Variants in RFX3 observed in about 807,000 individuals in gnomAD.
RFX3 encodes transcription factor RFX3.
Under a neutral mutation model 98.6 loss-of-function variants are expected in RFX3, and 14 were observed. The observed-to-expected ratio is 0.14, with a 90% CI of 0.09 to 0.22. RFX3 has a LOEUF of 0.22. Ranked by LOEUF, RFX3 falls within the 10% of genes least tolerant of loss-of-function variation. RFX3 has a pLI of 1.00. For missense variants in RFX3, 639 were observed against 926.9 expected (o/e 0.69, Z 4.03); for synonymous variants, 383 against 328.4 (o/e 1.17, Z -1.80).
chr9:3,431,911 T>C (rs775314565), intron 1 of RFX3, among the ~76,000 whole-genome samples: 2 of 151,972 alleles, frequency 1.3e-5, no homozygotes, highest in Non-Finnish European at 2.9e-5. Flanking sequence ...AGAACACATA[T>C]GAGTAAGGAA....
intron 5 of RFX3, among the ~76,000 whole-genome samples, chr9:3,297,129 A>G (rs1388402516): frequency 6.6e-6 from 1 of 152,106 alleles, no homozygotes; most frequent in Non-Finnish European, 1.5e-5. Flanking sequence ...CCTGTTAAAT[A>G]TCGTTTTCTT....
At chr9:3,226,977 C>G (rs2130604809) in intron 16 of RFX3, among the ~76,000 whole-genome samples, 1 of 152,096 alleles carries the variant, frequency 6.6e-6, no homozygotes, top group Non-Finnish European at 1.5e-5. Flanking sequence ...GGGAGAAGCC[C>G]TCAAAACCTC....
chr9:3,310,887 A>G (rs906764284), intron 4 of RFX3, among the ~76,000 whole-genome samples: 1 of 152,232 alleles, frequency 6.6e-6, no homozygotes, highest in African/African-American at 2.4e-5. Flanking sequence ...AGTGGCTTAT[A>G]AAATCAAAAT....
Position 3,262,918 on chromosome 9 carries a change from G to C in RFX3, c.1605+17C>G, listed in dbSNP as rs530746080. 6.2e-7 allele frequency: 1 copy of C among 1,610,172 alleles called. No homozygotes were observed. The highest frequency in any genetic ancestry group is 8.5e-7 in the Non-Finnish European group (1 of 1,177,848). On this transcript the variant is annotated intron_variant, in intron 13 of 16. Transcript: ENST00000617270. ...TATCTTTCCTTAAGAGACATGCTTT[G>C]CAAGGAAATAGAATACCTGGACATT...
intron 2 of RFX3, among the ~76,000 whole-genome samples, chr9:3,385,573 C>T (rs1323599464): frequency 6.6e-6 from 1 of 151,244 alleles, no homozygotes; most frequent in African/African-American, 2.4e-5. Context: ...CTTGGCATGG[C>T]AGTGTGCGCC....
chr9:3,402,665 A>G (rs1030093393), intron 1 of RFX3, among the ~76,000 whole-genome samples: 1 of 151,676 alleles, frequency 6.6e-6, no homozygotes, highest in African/African-American at 2.4e-5. Context: ...ATATTTATAT[A>G]TATTTATATT....
At chr9:3,260,604 A>G (rs1822747930) in intron 13 of RFX3, among the ~76,000 whole-genome samples, 1 of 151,732 alleles carries the variant, frequency 6.6e-6, no homozygotes, top group Admixed American at 6.6e-5. Flanking sequence ...ACTCTTCTTA[A>G]GAGACTTTTA....
intron 9 of RFX3, among the ~76,000 whole-genome samples, chr9:3,275,001 A>G (rs1032257709): frequency 1.3e-5 from 2 of 152,028 alleles, no homozygotes. Context: ...TTTTCTTTTA[A>G]CTTTAAATCT....
intron 2 of RFX3, among the ~76,000 whole-genome samples, chr9:3,369,802 A>G (rs942926267): frequency 6.6e-6 from 1 of 152,240 alleles, no homozygotes; most frequent in South Asian, 2.1e-4. Context: ...AATTAGATTT[A>G]CAGAGCAGTT....
At position 3,254,273 on chromosome 9, in the gene RFX3, GA is replaced by G. The variant is rs79171644; in HGVS notation, c.1814+2717del. On this transcript the variant is annotated intron_variant, in intron 14 of 16. Coordinates refer to ENST00000617270, the MANE Select transcript of RFX3 (RefSeq NM_001282116.2). ...CTAAAATGACATCAACTAAATATAG[GA>G]AAAAAAAAAAAACCAACCACAGGTA... is the stretch of plus-strand genomic sequence containing the variant. 3.3e-3 allele frequency among the ~76,000 whole-genome samples: 430 copies of G among 131,962 alleles called. 2 individuals are homozygous for G. Among genetic ancestry groups the G allele is most frequent in the African/African-American group, 5.9e-3 (212 of 35,894 alleles). 86.6% of individuals were successfully genotyped at this position (131,962 alleles called of 152,430 possible).
chr9:3,305,112 C>T (rs1829122938), intron 4 of RFX3, among the ~76,000 whole-genome samples: 1 of 151,964 alleles, frequency 6.6e-6, no homozygotes, highest in Non-Finnish European at 1.5e-5. Context: ...GAAGAATCGA[C>T]TTAATAGAGC....
intron 15 of RFX3, among the ~76,000 whole-genome samples, chr9:3,244,728 T>C (rs1243939249): frequency 1.3e-5 from 2 of 152,208 alleles, no homozygotes; most frequent in Non-Finnish European, 2.9e-5. Flanking sequence ...CCAGGCTAGA[T>C]TTAGGGCCTC....
chr9:3,469,840 C>T (rs183738181), intron 1 of RFX3, among the ~76,000 whole-genome samples: 6 of 148,382 alleles, frequency 4.0e-5, no homozygotes, highest in East Asian at 2.0e-4. Context: ...AGCGTGACTC[C>T]GTCTCAAAAA....
intron 4 of RFX3, among the ~76,000 whole-genome samples, chr9:3,303,156 G>C (rs1828868706): frequency 6.6e-6 from 1 of 151,774 alleles, no homozygotes; most frequent in African/African-American, 2.4e-5. Context: ...GGATGTTAAT[G>C]CAGTTTACCA....
intron 1 of RFX3, among the ~76,000 whole-genome samples, chr9:3,398,306 C>T (rs1289315553): frequency 6.6e-6 from 1 of 151,830 alleles, no homozygotes; most frequent in African/African-American, 2.4e-5. Flanking sequence ...CCAGTCTGTG[C>T]CTCTTCCTCT....
chr9:3,277,804 A>G (rs1470584852), intron 7 of RFX3, among the ~76,000 whole-genome samples: 1 of 151,994 alleles, frequency 6.6e-6, no homozygotes, highest in Non-Finnish European at 1.5e-5. Context: ...TTAATGGTCA[A>G]TGGATATATT....
chr9:3,249,222 A>ACTTTTGTT (rs2130978767), intron 14 of RFX3, among the ~76,000 whole-genome samples: 2 of 152,266 alleles, frequency 1.3e-5, no homozygotes, highest in South Asian at 4.1e-4. Flanking sequence ...AAAAGACTGT[A>ACTTTTGTT]CTTTTGTTTT....
intron 2 of RFX3, among the ~76,000 whole-genome samples, chr9:3,363,587 C>T (rs7869854): frequency 0.17 from 26,380 of 152,182 alleles, 4,799 homozygotes; most frequent in African/African-American, 0.46. Context: ...CCAGTGCTAA[C>T]ACTATTATTA....
rs1846302686 is a variant in RFX3 at position 3,448,889 on chromosome 9, T to C, written c.-8-53293A>G. On this transcript the variant is annotated intron_variant, in intron 1 of 16. Coordinates refer to ENST00000617270, the MANE Select transcript of RFX3 (RefSeq NM_001282116.2). ...GTAACAATTTTCAACTCTTTTCTTT[T>C]AACCAATTCAACCCAGAAAACTCCA... 5.3e-5 allele frequency among the ~76,000 whole-genome samples: 8 copies of C among 152,322 alleles called. 1 individual carries two copies. In the South Asian group the frequency reaches 1.7e-3, roughly 32 times the overall value.
Sources: gnomAD v4.1 joint callset for allele counts (sites outside exome capture counted in the v4.1 genomes callset) on GRCh38, gnomAD v4.1.1 for gene constraint, MANE v1.5 for transcripts, NCBI Gene and HGNC (gene_info 2026-07-23, HGNC 2026-07-21) for gene names.